ALB: variants seen among roughly 807,000 people sequenced by gnomAD.
ALB encodes the protein serum albumin.
Under a neutral mutation model 74.5 loss-of-function variants are expected in ALB, and 37 were observed. That is an observed-to-expected ratio of 0.50 (90% CI 0.38 to 0.65). The LOEUF (loss-of-function observed/expected upper bound fraction) is 0.65, where lower values mean the gene tolerates loss of function less well. Ranked by LOEUF, ALB falls within the 30% of genes least tolerant of loss-of-function variation. ALB has a pLI of 0.00. For synonymous variants in ALB, 249 were observed against 251.6 expected (o/e 0.99, Z 0.10); for missense variants, 685 against 718.7 (o/e 0.95, Z 0.54).
In ALB at chr4:73,413,425, C is replaced by G; in HGVS notation, c.849C>G (p.Asp283Glu). ...TTCCACCAACTTACTTATAGGCGGA[C>G]CTTGCCAAGTATATCTGTGAAAATC... ...DLLECADDRA[D>E]LAKYICENQD... The change falls in exon 8 of 15, where the codon GAC becomes GAG. Residue 283 changes from aspartate to glutamate, a missense_variant. Physicochemically the swap from Asp to Glu is conservative, Grantham distance 45. Coordinates refer to ENST00000295897, the MANE Select transcript of ALB (RefSeq NM_000477.7). The G allele has an allele frequency of 1.2e-6, 2 of 1,613,642 alleles. No homozygotes were observed. Among genetic ancestry groups the G allele is most frequent in the Non-Finnish European group, 1.7e-6 (2 of 1,179,620 alleles).
intron 2 of ALB, 38 bp downstream of exon 2, chr4:73,405,211 T>G (rs751471869): frequency 8.6e-6 from 13 of 1,503,970 alleles, no homozygotes; most frequent in Non-Finnish European, 1.2e-5. Flanking sequence ...TTAATGTTTC[T>G]AATAGTGTTG....
In ALB at chr4:73,420,337, AT is replaced by A; in HGVS notation, c.*23+22del. 1 of 1,541,566 alleles carries A rather than the reference AT, an allele frequency of 6.5e-7. No individual in the cohort carries two copies. The highest frequency in any genetic ancestry group is 8.9e-7 in the Non-Finnish European group (1 of 1,121,906). Reference sequence around the variant, plus strand: ...AGCATCTCAGGTAACTATATTTTGAATTTTTTAAAAAAGTAACTATAATAGT... The same window carrying A: ...AGCATCTCAGGTAACTATATTTTGAATTTTTAAAAAAGTAACTATAATAGT... On this transcript the variant is annotated intron_variant, in intron 14 of 14. Coordinates refer to ENST00000295897, the MANE Select transcript of ALB (RefSeq NM_000477.7).
intron 3 of ALB, among the ~76,000 whole-genome samples, chr4:73,408,250 G>T (rs888663193): frequency 6.6e-6 from 1 of 152,108 alleles, no homozygotes; most frequent in African/African-American, 2.4e-5. Flanking sequence ...GAATTCACCT[G>T]CTGCTTAGAA....
chr4:73,411,956 C>T lies in ALB; in HGVS notation c.714-40C>T, dbSNP rs201447958. 852 of 1,612,024 alleles carry T rather than the reference C, an allele frequency of 5.3e-4. 1 individual carries two copies. The highest frequency in any genetic ancestry group is 6.5e-4 in the Non-Finnish European group (771 of 1,178,488). ...TGCCTAGTGTTTTCATATAAAATAT[C>T]GCATGATAATACCATTTTGATTGGC... On this transcript the variant is annotated intron_variant, in intron 6 of 14. Transcript: ENST00000295897.
intron 14 of ALB, chr4:73,420,689 T>C (rs1577943256): frequency 3.7e-6 from 1 of 272,126 alleles, no homozygotes; most frequent in East Asian, 8.1e-5. Context: ...CTCTGGGAAT[T>C]AGGCTGAACC....
At chr4:73,404,524 G>A (rs1160490434) in intron 1 of ALB, 118 bp downstream of exon 1, 4 of 815,832 alleles carry the variant, frequency 4.9e-6, no homozygotes, top group Non-Finnish European at 8.1e-6. Flanking sequence ...AAATGGCATA[G>A]TATTTTGTAT....
intron 4 of ALB, 60 bp downstream of exon 4, chr4:73,408,865 A>T (rs1718798871): frequency 1.5e-6 from 2 of 1,359,358 alleles, no homozygotes; most frequent in Middle Eastern, 1.8e-4. Flanking sequence ...CCATAGGCCA[A>T]CACTCTATAA....
At chr4:73,419,766 A>G in intron 13 of ALB, 127 bp downstream of exon 13, 1 of 1,172,922 alleles carries the variant, frequency 8.5e-7, no homozygotes, top group South Asian at 1.3e-5. Context: ...TATTTTACAA[A>G]CAATTGTCTT....
chr4:73,412,118 A>T lies in ALB; in HGVS notation c.836A>T (p.Asp279Val). Residue 279 changes from aspartate to valine, a missense_variant, in exon 7 of 15, where the codon GAT becomes GTT. Physicochemically the swap from Asp to Val is radical, Grantham distance 152 (BLOSUM62 -3). Transcript: ENST00000295897. ...CATGGAGATCTGCTTGAATGTGCTG[A>T]TGACAGGGTAAAGAGTCGTCGATAT... ...CCHGDLLECA[D>V]DRADLAKYIC... 1 of 1,614,074 alleles carries T rather than the reference A, an allele frequency of 6.2e-7. No homozygotes were observed.
chr4:73,414,844 A>G (rs1185420859), intron 8 of ALB, among the ~76,000 whole-genome samples, 191 bp from the exon 9 acceptor site: 2 of 152,162 alleles, frequency 1.3e-5, no homozygotes, highest in African/African-American at 4.8e-5. Context: ...GCAGTGATAT[A>G]AGTAGCAGAG....
Position 73,410,292 on chromosome 4 carries a change from C to T in ALB, c.616-20C>T. 1 of 1,597,856 alleles carries T rather than the reference C, an allele frequency of 6.3e-7. No homozygotes were observed. The highest frequency in any genetic ancestry group is 8.6e-7 in the Non-Finnish European group (1 of 1,165,256). On this transcript the variant is annotated intron_variant, in intron 5 of 14. Coordinates refer to ENST00000295897, the MANE Select transcript of ALB (RefSeq NM_000477.7). ...GTAGAATTTTTCTTCTAATTTTCAT[C>T]AAATTATTCCTTTTTGTAGCTCGAT...
intron 8 of ALB, 39 bp downstream of exon 8, chr4:73,413,673 TG>T: frequency 1.9e-6 from 3 of 1,594,392 alleles, no homozygotes; most frequent in Non-Finnish European, 2.6e-6. Context: ...AGCTTTGGCA[TG>T]ACCTCACAAC....
intron 13 of ALB, 67 bp from the exon 14 acceptor site, chr4:73,420,187 A>G (rs1719109756): frequency 1.4e-6 from 2 of 1,391,392 alleles, no homozygotes; most frequent in Non-Finnish European, 2.0e-6. Flanking sequence ...AGCTTCATAA[A>G]TGTTAATTTT....
intron 3 of ALB, 116 bp downstream of exon 3, chr4:73,406,877 A>G: frequency 7.8e-7 from 1 of 1,286,222 alleles, no homozygotes; most frequent in Non-Finnish European, 1.1e-6. Context: ...TTTGTAAGAA[A>G]CACTAAAAAG....
chr4:73,406,573 A>G, intron 2 of ALB, 56 bp from the exon 3 acceptor site: 1 of 1,560,184 alleles, frequency 6.4e-7, no homozygotes, highest in South Asian at 1.1e-5. Context: ...TAGCGTAGCA[A>G]CCTGTTACAT....
intron 9 of ALB, 185 bp downstream of exon 9, chr4:73,415,352 C>G (rs1718987096): frequency 5.6e-6 from 4 of 708,550 alleles, no homozygotes; most frequent in South Asian, 1.9e-5. Flanking sequence ...AAAATTTAGA[C>G]TAGTTAGAAT....
chr4:73,420,231 A>G (rs370480203), intron 13 of ALB, 23 bp from the exon 14 acceptor site: 3 of 1,607,612 alleles, frequency 1.9e-6, no homozygotes, highest in Admixed American at 1.7e-5. Context: ...TTTTCCTAAC[A>G]TCTGTCATGT....
chr4:73,408,498 C>A, intron 3 of ALB, 96 bp from the exon 4 acceptor site: 1 of 1,102,170 alleles, frequency 9.1e-7, no homozygotes, highest in Non-Finnish European at 1.3e-6. Context: ...ATTTCCTGAC[C>A]AAGCTTAACC....
At position 73,412,077 on chromosome 4, in the gene ALB, C is replaced by T. The variant is rs769126722; in HGVS notation, c.795C>T (p.Val265=). The T allele has an allele frequency of 2.5e-6, 4 of 1,614,094 alleles. No individual in the cohort carries two copies. The highest frequency in any genetic ancestry group is 1.1e-5 in the South Asian group (1 of 91,072). Reference sequence around the variant, plus strand: ...AGTTAGTGACAGATCTTACCAAAGTCCACACGGAATGCTGCCATGGAGATC... The same window carrying T: ...AGTTAGTGACAGATCTTACCAAAGTTCACACGGAATGCTGCCATGGAGATC... ...VSKLVTDLTK[V]HTECCHGDLL... The change falls in exon 7 of 15, where the codon GTC becomes GTT. Residue 265 remains valine, a synonymous_variant. Transcript: ENST00000295897.
Sources: allele counts gnomAD v4.1 joint callset (sites outside exome capture counted in the v4.1 genomes callset), GRCh38; gene constraint gnomAD v4.1.1; transcripts MANE v1.5; gene names NCBI Gene and HGNC (gene_info 2026-07-23, HGNC 2026-07-21).